FUT9: variants seen among roughly 807,000 people sequenced by gnomAD.
FUT9 encodes 4-galactosyl-N-acetylglucosaminide 3-alpha-L-fucosyltransferase 9.
Under a neutral mutation model 29.7 loss-of-function variants are expected in FUT9, and 15 were observed. That is an observed-to-expected ratio of 0.51 (90% CI 0.34 to 0.78). FUT9 has a LOEUF of 0.78. Among genes scored for constraint, FUT9 ranks in the 30% least tolerant of loss-of-function variants. The pLI, the probability that FUT9 is intolerant of heterozygous loss-of-function variation, is 0.01. For missense variants in FUT9, 319 were observed against 425.4 expected (o/e 0.75, Z 2.20); for synonymous variants, 169 against 153.7 (o/e 1.10, Z -0.74).
intron 2 of FUT9, among the ~76,000 whole-genome samples, chr6:96,144,464 G>T (rs775819013): frequency 6.6e-6 from 1 of 152,166 alleles, no homozygotes; most frequent in African/African-American, 2.4e-5. Context: ...TAATTGGATA[G>T]AATTGAAAGC....
chr6:96,090,374 TTGA>T (rs1254752373), intron 1 of FUT9, among the ~76,000 whole-genome samples: 9 of 152,178 alleles, frequency 5.9e-5, no homozygotes, highest in Non-Finnish European at 7.4e-5. Context: ...AAAAAAATTC[TTGA>T]TGTAGTTAAA....
intron 2 of FUT9, among the ~76,000 whole-genome samples, chr6:96,140,332 C>T (rs1772439511): frequency 6.6e-6 from 1 of 152,162 alleles, no homozygotes; most frequent in South Asian, 2.1e-4. Flanking sequence ...TCTTCTGAGC[C>T]TTCCAAGTCT....
At chr6:96,072,214 C>A (rs1223030463) in intron 1 of FUT9, among the ~76,000 whole-genome samples, 2 of 152,158 alleles carry the variant, frequency 1.3e-5, no homozygotes, top group South Asian at 2.1e-4. Context: ...AAGATTCAAA[C>A]CCAATTGACT....
Position 96,207,652 on chromosome 6 carries a change from A to G in FUT9, c.*3417A>G, listed in dbSNP as rs1773858013. 6.0e-6 allele frequency: 1 copy of G among 166,986 alleles called. No homozygotes were observed. Among genetic ancestry groups the G allele is most frequent in the Non-Finnish European group, 1.5e-5 (1 of 68,070 alleles). 10.3% of individuals were successfully genotyped at this position (166,986 alleles called of 1,614,324 possible). Reference sequence around the variant, plus strand: ...CATGAAAAAGATATATTGATTCAACAAAATTGGTTTGCTGTTGATTATACA... The same window carrying G: ...CATGAAAAAGATATATTGATTCAACGAAATTGGTTTGCTGTTGATTATACA... On this transcript the variant is annotated 3_prime_UTR_variant, in exon 3 of 3. Transcript: ENST00000302103.
intron 2 of FUT9, among the ~76,000 whole-genome samples, chr6:96,148,957 C>T (rs1772625649): frequency 6.6e-6 from 1 of 152,012 alleles, no homozygotes; most frequent in South Asian, 2.1e-4. Flanking sequence ...GAGTTCGAGA[C>T]CAGCTTGGCC....
rs78688105 is a variant in FUT9, at chr6:96,035,437, C to G, written c.-98+19225C>G. 1.5e-3 allele frequency among the ~76,000 whole-genome samples: 226 copies of G among 150,960 alleles called. 9 individuals carry two copies. In the East Asian group the frequency reaches 0.035, roughly 23 times the overall value. ...TCTTCATCTCATCTTCCTTTGCCACCCATAACCTTATTTTCTCTTATATCT... is the reference window on the plus strand; with the variant it reads ...TCTTCATCTCATCTTCCTTTGCCACGCATAACCTTATTTTCTCTTATATCT... On this transcript the variant is annotated intron_variant, in intron 1 of 2. Transcript: ENST00000302103.
At chr6:96,131,388 G>A (rs1229116977) in intron 2 of FUT9, among the ~76,000 whole-genome samples, 1 of 151,896 alleles carries the variant, frequency 6.6e-6, no homozygotes, top group Non-Finnish European at 1.5e-5. Context: ...GTGGTTGCCA[G>A]CACTGACCAA....
At chr6:96,126,919 A>G (rs1772144031) in intron 2 of FUT9, among the ~76,000 whole-genome samples, 1 of 152,232 alleles carries the variant, frequency 6.6e-6, no homozygotes, top group African/African-American at 2.4e-5. Flanking sequence ...GAAAATTTCA[A>G]TCTAAGTGTC....
intron 1 of FUT9, among the ~76,000 whole-genome samples, chr6:96,073,411 T>G (rs538387931): frequency 6.9e-6 from 1 of 145,454 alleles, no homozygotes; most frequent in East Asian, 2.0e-4. Flanking sequence ...ATTATGCCAC[T>G]GCACTCCAGC....
chr6:96,187,921 G>A (rs192835470), intron 2 of FUT9, among the ~76,000 whole-genome samples: 124 of 152,132 alleles, frequency 8.2e-4, no homozygotes, highest in African/African-American at 2.8e-3. Flanking sequence ...CCTAGGAGGG[G>A]ATACAACTAT....
At chr6:96,144,440 G>A (rs1446023528) in intron 2 of FUT9, among the ~76,000 whole-genome samples, 1 of 152,148 alleles carries the variant, frequency 6.6e-6, no homozygotes, top group Non-Finnish European at 1.5e-5. Flanking sequence ...GATATAATTA[G>A]ATGCACCCTA....
At chr6:96,201,647 C>T (rs1773727866) in intron 2 of FUT9, among the ~76,000 whole-genome samples, 1 of 151,992 alleles carries the variant, frequency 6.6e-6, no homozygotes, top group African/African-American at 2.4e-5. Flanking sequence ...TTCTGAATAA[C>T]TGAAATTTCC....
At chr6:96,034,083 A>C (rs1199516632) in intron 1 of FUT9, among the ~76,000 whole-genome samples, 1 of 151,592 alleles carries the variant, frequency 6.6e-6, no homozygotes, top group Non-Finnish European at 1.5e-5. Context: ...GCAGGGTCAA[A>C]CTGACTTCCC....
chr6:96,097,690 C>G (rs781078995), intron 1 of FUT9, among the ~76,000 whole-genome samples: 3 of 152,178 alleles, frequency 2.0e-5, no homozygotes, highest in Middle Eastern at 3.4e-3. Flanking sequence ...TCCATGAGCT[C>G]TATTTAGATA....
intron 2 of FUT9, among the ~76,000 whole-genome samples, chr6:96,130,008 A>G (rs1464455722): frequency 6.6e-6 from 1 of 152,110 alleles, no homozygotes; most frequent in Non-Finnish European, 1.5e-5. Flanking sequence ...GCTAGAATCA[A>G]AATTTTATAT....
At chr6:96,188,714 T>TAC (rs1328631835) in intron 2 of FUT9, among the ~76,000 whole-genome samples, 1 of 149,324 alleles carries the variant, frequency 6.7e-6, no homozygotes, top group East Asian at 1.9e-4. Context: ...TTATTTGATA[T>TAC]ATATATATAT....
chr6:96,102,821 A>T (rs1226274721), intron 1 of FUT9, among the ~76,000 whole-genome samples: 1 of 152,200 alleles, frequency 6.6e-6, no homozygotes, highest in Non-Finnish European at 1.5e-5. Context: ...TGAAAAGAAA[A>T]CATCTTCCCA....
intron 1 of FUT9, among the ~76,000 whole-genome samples, chr6:96,030,840 G>T (rs771961215): frequency 4.6e-5 from 7 of 151,308 alleles, no homozygotes; most frequent in African/African-American, 7.3e-5. Flanking sequence ...CACTCAAAAG[G>T]CTACATGCTG....
intron 1 of FUT9, among the ~76,000 whole-genome samples, chr6:96,045,702 G>A (rs1466433334): frequency 6.6e-6 from 1 of 152,160 alleles, no homozygotes; most frequent in Non-Finnish European, 1.5e-5. Flanking sequence ...TGCTTGGATG[G>A]GAAAAGCTGG....
Sources: allele counts gnomAD v4.1 joint callset (sites outside exome capture counted in the v4.1 genomes callset), GRCh38; gene constraint gnomAD v4.1.1; transcripts MANE v1.5; gene names NCBI Gene and HGNC (gene_info 2026-07-23, HGNC 2026-07-21).